The following RPS6KA3 variants were observed in gnomAD, a reference collection of about 807,000 sequenced individuals.
RPS6KA3 encodes ribosomal protein S6 kinase A3, also known as ribosomal protein S6 kinase alpha-3.
A neutral mutation model predicts 67.2 loss-of-function variants in RPS6KA3; 4 were observed. The ratio of observed to expected loss-of-function variants is 0.06; its 90% CI spans 0.03 to 0.14. RPS6KA3 has a LOEUF of 0.14. Among genes scored for constraint, RPS6KA3 ranks in the 10% least tolerant of loss-of-function variants. RPS6KA3 has a pLI of 1.00. For synonymous variants in RPS6KA3, 182 were observed against 183.7 expected, an observed-to-expected ratio of 0.99 and a Z score of 0.07; for missense variants, 204 against 559.0, an observed-to-expected ratio of 0.36 and a Z score of 6.40.
rs988900106 is a variant in RPS6KA3, at chrX:20,152,966, G to C, written c.*2432C>G. 7 of 111,514 alleles carry C rather than the reference G, an allele frequency of 6.3e-5. No homozygotes were observed. Among genetic ancestry groups the C allele is most frequent in the Admixed American group, 2.9e-4 (3 of 10,489 alleles). 9.2% of individuals were successfully genotyped at this position (111,514 alleles called of 1,213,427 possible). A position where few individuals can be genotyped will look rare whatever the true frequency, so the allele number is the denominator to read the frequency against. On this transcript the variant is annotated 3_prime_UTR_variant, in exon 22 of 22. Transcript: ENST00000379565. Reference sequence around the variant, plus strand: ...GAGGCGGAAAAAAACAAAATGGGGAGAAGTTAAGGATTCTAGACTTTGATA... The same window carrying C: ...GAGGCGGAAAAAAACAAAATGGGGACAAGTTAAGGATTCTAGACTTTGATA...
Position 20,167,585 on chromosome X carries a change from T to G in RPS6KA3, c.1602+4A>C, listed in dbSNP as rs1352081290. ...TGTACATATAGAGTGGTAAAAAGACTTACCCCTTGTGCGTGAAGATATTCA... is the reference window on the plus strand; with the variant it reads ...TGTACATATAGAGTGGTAAAAAGACGTACCCCTTGTGCGTGAAGATATTCA... On this transcript the variant is annotated splice_donor_region_variant and intron_variant, in intron 17 of 21. Transcript: ENST00000379565. 8.3e-7 allele frequency: 1 copy of G among 1,207,848 alleles called. No homozygotes were observed. The highest frequency in any genetic ancestry group is 2.2e-5 in the Admixed American group (1 of 46,014).
chrX:20,225,647 C>T (rs2148767366), intron 2 of RPS6KA3, among the ~76,000 whole-genome samples: 1 of 111,151 alleles, frequency 9.0e-6, no homozygotes, highest in South Asian at 3.8e-4. Flanking sequence ...TAATTCACTG[C>T]CTATTGTCTA....
chrX:20,165,776 G>A (rs2067419825), intron 17 of RPS6KA3, among the ~76,000 whole-genome samples: 1 of 111,696 alleles, frequency 9.0e-6, no homozygotes, highest in Non-Finnish European at 1.9e-5. Context: ...TATACAAGGT[G>A]TTACACATGC....
At chrX:20,264,731 A>G (rs756630346) in intron 1 of RPS6KA3, among the ~76,000 whole-genome samples, 32 of 112,198 alleles carry the variant, frequency 2.9e-4, no homozygotes, top group African/African-American at 1.0e-3. Context: ...TTGTTTTCCT[A>G]TCACACTGAT....
At chrX:20,167,769 T>C in intron 16 of RPS6KA3, 22 bp from the exon 17 acceptor site, 1 of 1,007,096 alleles carries the variant, frequency 9.9e-7, no homozygotes, top group Non-Finnish European at 1.4e-6. Flanking sequence ...AACATCAAAA[T>C]GTAAATATTA....
chrX:20,179,732 GT>G (rs769290556), intron 10 of RPS6KA3, among the ~76,000 whole-genome samples: 49 of 111,448 alleles, frequency 4.4e-4, no homozygotes, highest in Middle Eastern at 4.6e-3. Context: ...AATCATCATA[GT>G]TGATGAGGGA....
chrX:20,263,746 T>C (rs2070298159), intron 1 of RPS6KA3, among the ~76,000 whole-genome samples: 1 of 111,897 alleles, frequency 8.9e-6, no homozygotes, highest in Non-Finnish European at 1.9e-5. Flanking sequence ...CTGACTTTCA[T>C]GATTCATTCA....
intron 21 of RPS6KA3, 116 bp downstream of exon 21, chrX:20,155,993 C>T (rs1382148880): frequency 2.4e-6 from 2 of 818,586 alleles, no homozygotes; most frequent in Non-Finnish European, 3.7e-6. Flanking sequence ...GTAAGAGAAT[C>T]CCACAACAGA....
chrX:20,228,167 G>A lies in RPS6KA3; in HGVS notation c.126+6591C>T, dbSNP rs760566843. On this transcript the variant is annotated intron_variant, in intron 2 of 21. Transcript: ENST00000379565. ...CACTAATTAAACTTGCTTTTTCCCT[G>A]CATTGTTTGTTCCTCCAAGATCTCA... 1.0e-3 allele frequency among the ~76,000 whole-genome samples: 112 copies of A among 111,760 alleles called. 2 individuals are homozygous for A. Among genetic ancestry groups the A allele is most frequent in the African/African-American group, 3.5e-3 (108 of 30,704 alleles).
At chrX:20,266,108 C>G in intron 1 of RPS6KA3, 1 of 114,251 alleles carries the variant, frequency 8.8e-6, no homozygotes. Context: ...CTCCCCGCAG[C>G]AGCCCCTCCC....
chrX:20,191,277 G>A (rs951114388), intron 7 of RPS6KA3, among the ~76,000 whole-genome samples: 2 of 111,609 alleles, frequency 1.8e-5, no homozygotes, highest in Admixed American at 1.9e-4. Context: ...TCATTGATGG[G>A]CATTTGGGTT....
At chrX:20,242,388 T>C (rs1045425161) in intron 1 of RPS6KA3, among the ~76,000 whole-genome samples, 1 of 112,005 alleles carries the variant, frequency 8.9e-6, no homozygotes, top group Non-Finnish European at 1.9e-5. Flanking sequence ...CTATTAACAA[T>C]ACTTTATGCA....
intron 4 of RPS6KA3, among the ~76,000 whole-genome samples, chrX:20,200,974 T>A (rs1224445673): frequency 9.0e-6 from 1 of 111,044 alleles, no homozygotes; most frequent in African/African-American, 3.3e-5. Context: ...TGAGCCACTA[T>A]GCCTGGTCAC....
intron 2 of RPS6KA3, among the ~76,000 whole-genome samples, chrX:20,230,208 G>A (rs2069225035): frequency 8.9e-6 from 1 of 111,909 alleles, no homozygotes; most frequent in Non-Finnish European, 1.9e-5. Flanking sequence ...TGGGTACTGG[G>A]CACAGACATA....
At chrX:20,225,526 G>A (rs1452320535) in intron 2 of RPS6KA3, among the ~76,000 whole-genome samples, 1 of 111,251 alleles carries the variant, frequency 9.0e-6, no homozygotes, top group Non-Finnish European at 1.9e-5. Context: ...CAACCAATGA[G>A]AGTTAGAACG....
At chrX:20,226,941 C>T (rs1251701000) in intron 2 of RPS6KA3, among the ~76,000 whole-genome samples, 1 of 112,211 alleles carries the variant, frequency 8.9e-6, no homozygotes, top group African/African-American at 3.2e-5. Context: ...AAACACTGCT[C>T]ACTGCCGAGG....
rs1202864963 is a variant in RPS6KA3, at chrX:20,200,404, T to C, written c.325+3618A>G. Among the ~76,000 whole-genome samples the C allele has an allele frequency of 3.6e-5, 4 of 112,290 alleles. No homozygotes were observed. The Admixed American group carries it at 3.8e-4, about 11-fold the overall frequency. ...GATAGGCAGAAGAGTGGGCAAAGCA[T>C]AGCTATGTTATATGATAAGACTCTA... On this transcript the variant is annotated intron_variant, in intron 4 of 21. Coordinates refer to ENST00000379565, the MANE Select transcript of RPS6KA3 (RefSeq NM_004586.3).
chrX:20,241,456 G>A (rs763216155), intron 1 of RPS6KA3: 1 of 99,236 alleles, frequency 1.0e-5, no homozygotes. Context: ...AAGAAAGAAA[G>A]AAAAGATTTA....
intron 2 of RPS6KA3, chrX:20,218,816 C>T (rs1319315607): frequency 1.7e-6 from 2 of 1,194,203 alleles, no homozygotes; most frequent in Admixed American, 2.2e-5. Context: ...AGAGCGAACA[C>T]GAAAAGACAA....
Sources: gnomAD v4.1 joint callset for allele counts (sites outside exome capture counted in the v4.1 genomes callset) on GRCh38, gnomAD v4.1.1 for gene constraint, MANE v1.5 for transcripts, NCBI Gene and HGNC (gene_info 2026-07-23, HGNC 2026-07-21) for gene names.